MYH3: variants seen among roughly 807,000 people sequenced by gnomAD.
MYH3 encodes myosin heavy chain 3, also known as myosin-3.
MYH3 carries 130 observed loss-of-function variants against 238.0 expected under a neutral mutation model. The ratio of observed to expected loss-of-function variants is 0.55; its 90% CI spans 0.47 to 0.63. The LOEUF (loss-of-function observed/expected upper bound fraction) is 0.63. Ranked by LOEUF, MYH3 falls within the 30% of genes least tolerant of loss-of-function variation. MYH3 has a pLI of 0.00. For synonymous variants in MYH3, 880 were observed against 924.1 expected (o/e 0.95, Z 0.86); for missense variants, 1,853 against 2,374.9 (o/e 0.78, Z 4.57).
rs562901754 is a variant in MYH3, at chr17:10,646,833, A to G, written c.898+349T>C. ...GAGGCCGAGTCGGGCAAATTGCTTG[A>G]GCCCAGGAGTTCAAGACCAACCTGG... On this transcript the variant is annotated intron_variant, in intron 10 of 40. Transcript: ENST00000583535. 3.0e-4 allele frequency among the ~76,000 whole-genome samples: 45 copies of G among 152,292 alleles called. No individual in the cohort carries two copies. The South Asian group carries it at 5.4e-3, about 18-fold the overall frequency.
At chr17:10,646,911 G>C (rs912264367) in intron 10 of MYH3, among the ~76,000 whole-genome samples, 2 of 152,128 alleles carry the variant, frequency 1.3e-5, no homozygotes, top group African/African-American at 2.4e-5. Flanking sequence ...AGCCTGGTGT[G>C]GGGGCATGCA....
At chr17:10,633,821 G>T in intron 32 of MYH3, 106 bp from the exon 33 acceptor site, 3 of 1,542,274 alleles carry the variant, frequency 1.9e-6, no homozygotes, top group Non-Finnish European at 1.8e-6. Context: ...TAATCCTAAG[G>T]TTTCCTGCTT....
At chr17:10,652,229 C>G (rs1191002284) in intron 4 of MYH3, 191 bp downstream of exon 4, 1 of 735,718 alleles carries the variant, frequency 1.4e-6, no homozygotes, top group Non-Finnish European at 2.3e-6. Flanking sequence ...TCCTCCTTCC[C>G]ACCTTCCTTC....
intron 8 of MYH3, 125 bp from the exon 9 acceptor site, chr17:10,647,551 T>A (rs12936681): frequency 6.5e-6 from 4 of 616,128 alleles, no homozygotes; most frequent in Non-Finnish European, 1.1e-5. Flanking sequence ...TTGTTTTGTT[T>A]TGTTATGTTT....
chr17:10,648,575 A>G lies in MYH3; in HGVS notation c.717T>C (p.Asn239=). 6.2e-7 allele frequency: 1 copy of G among 1,614,108 alleles called. No individual in the cohort carries two copies. Among genetic ancestry groups the G allele is most frequent in the Non-Finnish European group, 8.5e-7 (1 of 1,179,952 alleles). ...GACTCACAAAACGGGAGGAGTTGTC[A>G]TTCCTCACAGTCTTGGCGTTCCCAA... ...EAFGNAKTVR[N]DNSSRFGKFI... The change falls in exon 8 of 41, where the codon AAT becomes AAC. Residue 239 remains asparagine (N), a synonymous_variant. Coordinates refer to ENST00000583535, the MANE Select transcript of MYH3 (RefSeq NM_002470.4).
intron 33 of MYH3, 130 bp from the exon 34 acceptor site, chr17:10,632,914 T>C (rs2074179308): frequency 8.9e-7 from 1 of 1,119,092 alleles, no homozygotes; most frequent in African/African-American, 1.5e-5. Flanking sequence ...ATTCACTTTT[T>C]AAATGTCCCC....
At position 10,639,179 on chromosome 17, in the gene MYH3, G is replaced by A. The variant is rs1369149141; in HGVS notation, c.3113C>T (p.Ser1038Phe). ...LEQQVEDLES[S>F]LEQEKKLRVD... is the part of the protein sequence containing the mutation. ...TCGGAGCTTCTTTTCTTGTTCTAGG[G>A]AGCTTTCCAGCTGAAAAAGGCACCA... Residue 1038 changes from serine (S) to phenylalanine (F), a missense_variant, in exon 25 of 41, where the codon TCC (serine) becomes TTC (phenylalanine). By Grantham distance (155) the Ser-to-Phe change is radical. Around this residue, in one of 3 missense-constraint regions of MYH3, gnomAD observed 1,044 missense variants for 1,192.6 expected, o/e 0.88. Coordinates refer to ENST00000583535, the MANE Select transcript of MYH3 (RefSeq NM_002470.4). 6.2e-7 allele frequency: 1 copy of A among 1,613,962 alleles called. No individual in the cohort carries two copies. The highest frequency in any genetic ancestry group is 8.5e-7 in the Non-Finnish European group (1 of 1,179,980).
rs780850549 is a variant in MYH3, at chr17:10,648,681, A to G, written c.643-32T>C. 1.3e-5 allele frequency: 19 copies of G among 1,504,620 alleles called. No homozygotes were observed. In the South Asian group the frequency reaches 2.0e-4, roughly 16 times the overall value. 93.2% of individuals were successfully genotyped at this position (1,504,620 alleles called of 1,614,324 possible). On this transcript the variant is annotated intron_variant, in intron 7 of 40. Coordinates refer to ENST00000583535, the MANE Select transcript of MYH3 (RefSeq NM_002470.4). ...CAAGAAATTGAGGGAAGAAGAGGAA[A>G]CATTTTTTTTTGAGATGGAGTTACA...
At chr17:10,648,045 CAGT>C (rs2142415298) in intron 8 of MYH3, among the ~76,000 whole-genome samples, 1 of 152,340 alleles carries the variant, frequency 6.6e-6, no homozygotes, top group South Asian at 2.1e-4. Flanking sequence ...TAGAATCCCT[CAGT>C]AGCTTCCTGT....
the MYH3 span, among the ~76,000 whole-genome samples, chr17:10,669,933 TA>T: frequency 6.6e-6 from 1 of 151,940 alleles, no homozygotes; most frequent in East Asian, 1.9e-4. Flanking sequence ...GAAAATAAAA[TA>T]AAAAATCATC....
chr17:10,677,938 A>G, the MYH3 span: 1 of 152,188 alleles, frequency 6.6e-6, no homozygotes, highest in Non-Finnish European at 1.5e-5. Flanking sequence ...CAACATAGAG[A>G]AACCCAGTCT....
At chr17:10,635,138 T>A (rs2074200778) in intron 30 of MYH3, 115 bp from the exon 31 acceptor site, 1 of 1,361,324 alleles carries the variant, frequency 7.3e-7, no homozygotes. Context: ...TGTGTTTTTA[T>A]ACGCCCAGGA....
chr17:10,632,005 G>C lies in MYH3; in HGVS notation c.4968C>G (p.Leu1656=). ...GGCCCCGGAGGGCATCATCCAGGTG[G>C]AGCTGCGTATCCTAGCCAGAGAAAA... ...SVQGQLKDTQ[L]HLDDALRGQE... The change falls in exon 35 of 41, where the codon CTC becomes CTG. Residue 1656 remains leucine (L), a synonymous_variant. Coordinates refer to ENST00000583535, the MANE Select transcript of MYH3 (RefSeq NM_002470.4). The C allele has an allele frequency of 1.2e-6, 2 of 1,613,532 alleles. No homozygotes were observed. The highest frequency in any genetic ancestry group is 2.2e-5 in the South Asian group (2 of 91,058).
chr17:10,636,459 T>C (rs1230569701), intron 28 of MYH3, among the ~76,000 whole-genome samples: 1 of 152,188 alleles, frequency 6.6e-6, no homozygotes, highest in Non-Finnish European at 1.5e-5. Flanking sequence ...GTTTATTGAT[T>C]TGTTATCGAC....
At position 10,635,542 on chromosome 17, in the gene MYH3, C is replaced by T. The variant is rs200734527; in HGVS notation, c.3997G>A (p.Ala1333Thr). Reference protein sequence around the residue: ...ENKAKNALAHALQSSRHDCDL... With the variant: ...ENKAKNALAHTLQSSRHDCDL... ...CAGTCGTGGCGGGAGGACTGCAGGGCGTGCGCCAGGGCGTTCTTGGCCTGC... is the reference window on the plus strand; with the variant it reads ...CAGTCGTGGCGGGAGGACTGCAGGGTGTGCGCCAGGGCGTTCTTGGCCTGC... Residue 1333 changes from alanine (A) to threonine (T), a missense_variant, in exon 30 of 41, where the codon GCC (alanine) becomes ACC (threonine). Transcript: ENST00000583535. 23 of 1,614,192 alleles carry T rather than the reference C, an allele frequency of 1.4e-5. No individual in the cohort carries two copies. The highest frequency in any genetic ancestry group is 4.5e-5 in the East Asian group (2 of 44,890).
Position 10,630,444 on chromosome 17 carries a change from C to T in MYH3, c.5301G>A (p.Ala1767=), listed in dbSNP as rs151028057. 7.4e-4 allele frequency: 1,188 copies of T among 1,614,178 alleles called. No homozygotes were observed. The highest frequency in any genetic ancestry group is 9.3e-4 in the Non-Finnish European group (1,094 of 1,180,042). The change falls in exon 37 of 41, where the codon GCG becomes GCA. Residue 1767 remains alanine, a synonymous_variant. Coordinates refer to ENST00000583535, the MANE Select transcript of MYH3 (RefSeq NM_002470.4). The part of the protein sequence containing the change: ...KKAITDAAMM[A]EELKKEQDTS... ...TGTCCTGCTCCTTCTTCAGCTCCTC[C>T]GCCATCATGGCAGCCTGAAAAGCAC...
chr17:10,676,758 G>A, the MYH3 span: 1 of 152,144 alleles, frequency 6.6e-6, no homozygotes, highest in Non-Finnish European at 1.5e-5. Flanking sequence ...GAACAACAGT[G>A]ATTGAAAATT....
chr17:10,662,944 G>C, the MYH3 span, among the ~76,000 whole-genome samples: 4 of 151,718 alleles, frequency 2.6e-5, no homozygotes, highest in African/African-American at 9.7e-5. Flanking sequence ...AAAATTAGCC[G>C]GGTGTGGTGG....
chr17:10,667,576 G>A, the MYH3 span, among the ~76,000 whole-genome samples: 109 of 152,010 alleles, frequency 7.2e-4, no homozygotes, highest in Middle Eastern at 3.4e-3. Flanking sequence ...AGCTACTTGG[G>A]ATGCTGAGGC....
Sources: allele counts gnomAD v4.1 joint callset (sites outside exome capture counted in the v4.1 genomes callset), GRCh38; gene constraint gnomAD v4.1.1; regional missense constraint gnomAD v4.1.1; transcripts MANE v1.5; gene names NCBI Gene and HGNC (gene_info 2026-07-23, HGNC 2026-07-21).